Variants in ALPK2 observed in about 807,000 individuals in gnomAD.
ALPK2 encodes the protein alpha kinase 2, also known as alpha-protein kinase 2.
A neutral mutation model predicts 163.1 loss-of-function variants in ALPK2; 127 were observed. The observed-to-expected ratio is 0.78, with a 90% confidence interval of 0.67 to 0.90. The LOEUF is 0.90. Ranked by LOEUF, ALPK2 falls within the 40% of genes least tolerant of loss-of-function variation. The pLI, the probability that ALPK2 is intolerant of heterozygous loss-of-function variation, is 0.00. For synonymous variants in ALPK2, 953 were observed against 959.1 expected, an observed-to-expected ratio of 0.99 and a Z score of 0.12; for missense variants, 2,360 against 2,589.6, an observed-to-expected ratio of 0.91 and a Z score of 1.92.
chr18:58,601,348 G>T (rs1252965264), intron 3 of ALPK2, among the ~76,000 whole-genome samples: 1 of 152,126 alleles, frequency 6.6e-6, no homozygotes, highest in Non-Finnish European at 1.5e-5. Context: ...TGATTTAAAA[G>T]ATCAATTAAA....
intron 10 of ALPK2, among the ~76,000 whole-genome samples, chr18:58,513,915 A>G (rs918526474): frequency 2.6e-5 from 4 of 152,214 alleles, no homozygotes; most frequent in African/African-American, 7.2e-5. Context: ...CCCAAATTGC[A>G]TAAGAGTCAA....
At chr18:58,510,168 G>C (rs1488026626) in intron 10 of ALPK2, among the ~76,000 whole-genome samples, 1 of 152,060 alleles carries the variant, frequency 6.6e-6, no homozygotes, top group Non-Finnish European at 1.5e-5. Flanking sequence ...TTGTTTTTGT[G>C]AGGTTTGTCA....
chr18:58,543,258 A>G, intron 4 of ALPK2: 2 of 709,146 alleles, frequency 2.8e-6, no homozygotes, highest in Non-Finnish European at 3.5e-6. Context: ...CAGTCTCCAG[A>G]GCTGTAAGAA....
rs141346989 is a variant in ALPK2 at position 58,625,961 on chromosome 18, A to G, written c.-21+2803T>C. Among the ~76,000 whole-genome samples, 15 of 152,330 alleles carry G rather than the reference A, an allele frequency of 9.8e-5. No individual in the cohort carries two copies. In the East Asian group the frequency reaches 2.7e-3, roughly 27 times the overall value. The stretch of plus-strand genomic sequence containing the variant: ...GAAACATGTTTAAATGTTTTATTTG[A>G]TGTAGGTCAGGTGTTTATTCTTTCG... On this transcript the variant is annotated intron_variant, in intron 1 of 12. Coordinates refer to ENST00000361673, the MANE Select transcript of ALPK2 (RefSeq NM_052947.4).
In ALPK2 at chr18:58,535,610, T is replaced by C; in HGVS notation, c.4577A>G (p.Gln1526Arg). The C allele has an allele frequency of 6.2e-7, 1 of 1,614,224 alleles. No individual in the cohort carries two copies. Among genetic ancestry groups the C allele is most frequent in the South Asian group, 1.1e-5 (1 of 91,088 alleles). Reference sequence around the variant, plus strand: ...CAATTCTGCTTTGTCCTTTTTGCTTTGCTCAGCCTCCCCTAAGCTCCCATC... The same window carrying C: ...CAATTCTGCTTTGTCCTTTTTGCTTCGCTCAGCCTCCCCTAAGCTCCCATC... Reference protein sequence around the residue: ...SSDGSLGEAEQSKKDKAELIS... With the variant: ...SSDGSLGEAERSKKDKAELIS... The change falls in exon 5 of 13, where the codon CAA (glutamine) becomes CGA (arginine). Residue 1526 changes from glutamine (Q) to arginine (R), a missense_variant. By Grantham distance (43) the Gln-to-Arg change is conservative. Transcript: ENST00000361673.
chr18:58,573,290 A>ATATGTATATATGTATATATG (rs1467131001), intron 4 of ALPK2, among the ~76,000 whole-genome samples: 1 of 147,024 alleles, frequency 6.8e-6, no homozygotes, highest in Non-Finnish European at 1.5e-5. Context: ...ATGTGTATAT[A>ATATGTATATATGTATATATG]TGTATATATG....
intron 3 of ALPK2, among the ~76,000 whole-genome samples, chr18:58,590,770 A>G (rs1208856849): frequency 1.3e-5 from 2 of 152,184 alleles, no homozygotes; most frequent in Non-Finnish European, 2.9e-5. Flanking sequence ...TTCCTCATAC[A>G]TTTACCAATT....
At chr18:58,538,871 TAA>T (rs1402091057) in intron 4 of ALPK2, among the ~76,000 whole-genome samples, 2 of 152,030 alleles carry the variant, frequency 1.3e-5, no homozygotes. Flanking sequence ...TCCTCGTTGT[TAA>T]AAAGAGTCTG....
intron 10 of ALPK2, among the ~76,000 whole-genome samples, chr18:58,509,326 T>C (rs941581332): frequency 7.2e-5 from 11 of 152,300 alleles, no homozygotes; most frequent in African/African-American, 2.6e-4. Flanking sequence ...CTATTGTGAA[T>C]AGTGCCGCAA....
chr18:58,542,027 G>A (rs2051692361), intron 4 of ALPK2, among the ~76,000 whole-genome samples: 2 of 152,210 alleles, frequency 1.3e-5, no homozygotes, highest in Non-Finnish European at 2.9e-5. Context: ...GAAACTTCGA[G>A]TGAGTGCTGA....
At chr18:58,502,755 C>T (rs1602188983) in intron 11 of ALPK2, among the ~76,000 whole-genome samples, 1 of 152,376 alleles carries the variant, frequency 6.6e-6, no homozygotes, top group African/African-American at 2.4e-5. Context: ...CTCTTAGTGC[C>T]ACACCAGCAT....
chr18:58,575,695 T>C (rs984628839), intron 4 of ALPK2, among the ~76,000 whole-genome samples: 5 of 152,214 alleles, frequency 3.3e-5, no homozygotes, highest in Admixed American at 3.3e-4. Context: ...AGTGTGACCC[T>C]TGAAGATGAT....
At chr18:58,500,471 C>T (rs1188944109) in intron 11 of ALPK2, among the ~76,000 whole-genome samples, 2 of 151,998 alleles carry the variant, frequency 1.3e-5, no homozygotes, top group South Asian at 2.1e-4. Flanking sequence ...AAACTTCCCC[C>T]TGTCAGTTTA....
chr18:58,501,461 T>C (rs1441349185), intron 11 of ALPK2, among the ~76,000 whole-genome samples: 2 of 152,238 alleles, frequency 1.3e-5, no homozygotes, highest in South Asian at 2.1e-4. Context: ...ATTGGCTTCA[T>C]CTGCAAGGCG....
chr18:58,603,997 GCC>G (rs2052085437), intron 3 of ALPK2, among the ~76,000 whole-genome samples: 1 of 152,162 alleles, frequency 6.6e-6, no homozygotes, highest in Non-Finnish European at 1.5e-5. Flanking sequence ...TGCCTGAAGT[GCC>G]CAGGTTCATG....
At chr18:58,504,517 T>C (rs1434481606) in intron 10 of ALPK2, among the ~76,000 whole-genome samples, 1 of 152,178 alleles carries the variant, frequency 6.6e-6, no homozygotes, top group Admixed American at 6.5e-5. Context: ...CATCTATCCT[T>C]CCTTCCTTTC....
intron 4 of ALPK2, among the ~76,000 whole-genome samples, chr18:58,559,992 C>T (rs768683305): frequency 2.0e-5 from 3 of 152,174 alleles, no homozygotes; most frequent in Non-Finnish European, 4.4e-5. Context: ...ATGAATCTCA[C>T]TGGGCTACAA....
chr18:58,494,549 C>T (rs778137938), intron 12 of ALPK2, among the ~76,000 whole-genome samples: 2 of 152,082 alleles, frequency 1.3e-5, no homozygotes, highest in Non-Finnish European at 2.9e-5. Context: ...ATATATGGTC[C>T]TGATTGAGAC....
chr18:58,627,111 A>G (rs145697351), intron 1 of ALPK2, among the ~76,000 whole-genome samples: 4 of 152,324 alleles, frequency 2.6e-5, no homozygotes, highest in Admixed American at 2.6e-4. Flanking sequence ...AGCCTTTCTC[A>G]GGACCTCCCC....
Sources: gnomAD v4.1 joint callset for allele counts (sites outside exome capture counted in the v4.1 genomes callset) on GRCh38, gnomAD v4.1.1 for gene constraint, MANE v1.5 for transcripts, NCBI Gene and HGNC (gene_info 2026-07-23, HGNC 2026-07-21) for gene names.